The following FSIP1 variants were observed in gnomAD, a reference collection of about 807,000 sequenced individuals.
FSIP1 encodes fibrous sheath interacting protein 1.
FSIP1 carries 65 observed loss-of-function variants against 60.9 expected under a neutral mutation model. That is an observed-to-expected ratio of 1.07 (90% CI 0.87 to 1.31). FSIP1 has a LOEUF of 1.31. Among genes scored for constraint, FSIP1 ranks in the 40% most tolerant of loss-of-function variants. The pLI is 0.00. For missense variants in FSIP1, 675 were observed against 665.5 expected (o/e 1.01, Z -0.16); for synonymous variants, 209 against 221.2 (o/e 0.94, Z 0.49).
At chr15:39,659,439 G>A (rs995023703) in intron 10 of FSIP1, among the ~76,000 whole-genome samples, 3 of 151,842 alleles carry the variant, frequency 2.0e-5, no homozygotes, top group Non-Finnish European at 2.9e-5. Flanking sequence ...CTACTCAGGA[G>A]GCTGAGGCAG....
intron 10 of FSIP1, among the ~76,000 whole-genome samples, chr15:39,638,558 G>C (rs1433019350): frequency 6.6e-6 from 1 of 152,172 alleles, no homozygotes; most frequent in African/African-American, 2.4e-5. Flanking sequence ...CTTCTCTCTT[G>C]CTACAATCTT....
rs184746542 is a variant in FSIP1, at chr15:39,695,995, T to A, written c.1188+17449A>T. Among the ~76,000 whole-genome samples the A allele has an allele frequency of 3.5e-3, 532 of 152,340 alleles. 3 individuals are homozygous for A. Among genetic ancestry groups the A allele is most frequent in the African/African-American group, 0.012 (509 of 41,576 alleles). On this transcript the variant is annotated intron_variant, in intron 10 of 11. Coordinates refer to ENST00000350221, the MANE Select transcript of FSIP1 (RefSeq NM_152597.5). ...CGCAAGAACATAATTAGATGGTGAT[T>A]TCATTGACATTACTTACTCAAAACA... is the stretch of plus-strand genomic sequence containing the variant.
intron 10 of FSIP1, among the ~76,000 whole-genome samples, chr15:39,690,216 T>C (rs576340293): frequency 4.1e-4 from 63 of 152,306 alleles, no homozygotes; most frequent in South Asian, 2.5e-3. Context: ...CCAGGGAATC[T>C]GGATTCATCT....
chr15:39,675,201 C>G (rs1440044357), intron 10 of FSIP1, among the ~76,000 whole-genome samples: 1 of 152,020 alleles, frequency 6.6e-6, no homozygotes, highest in Admixed American at 6.5e-5. Context: ...TATGGATGAA[C>G]CAGATTTCTT....
At chr15:39,780,425 T>C (rs1381850395) in intron 1 of FSIP1, among the ~76,000 whole-genome samples, 1 of 152,040 alleles carries the variant, frequency 6.6e-6, no homozygotes, top group Admixed American at 6.5e-5. Context: ...CTCGGGAGGC[T>C]AAGGCAGGAG....
intron 10 of FSIP1, among the ~76,000 whole-genome samples, chr15:39,666,734 A>C (rs1047503118): frequency 3.9e-5 from 6 of 152,200 alleles, no homozygotes; most frequent in African/African-American, 1.4e-4. Flanking sequence ...TCCAATTTTT[A>C]GGATGCCTTT....
At chr15:39,729,036 A>C (rs987177957) in intron 8 of FSIP1, among the ~76,000 whole-genome samples, 1 of 152,230 alleles carries the variant, frequency 6.6e-6, no homozygotes, top group Non-Finnish European at 1.5e-5. Flanking sequence ...CCAAAACCAC[A>C]ATGAGATACC....
chr15:39,710,071 G>A (rs908980931), intron 10 of FSIP1, among the ~76,000 whole-genome samples: 4 of 152,140 alleles, frequency 2.6e-5, no homozygotes, highest in Admixed American at 6.5e-5. Context: ...GGTACAGTGC[G>A]TTTTCAGAGT....
intron 3 of FSIP1, among the ~76,000 whole-genome samples, 173 bp downstream of exon 3, chr15:39,770,254 G>A (rs564858596): frequency 2.0e-5 from 3 of 152,036 alleles, no homozygotes; most frequent in African/African-American, 7.2e-5. Context: ...TCTTAATATT[G>A]TTATAAATAA....
At chr15:39,632,208 G>A (rs962156713) in intron 10 of FSIP1, among the ~76,000 whole-genome samples, 11 of 151,976 alleles carry the variant, frequency 7.2e-5, no homozygotes, top group African/African-American at 2.4e-4. Flanking sequence ...GACAGGGTCC[G>A]ACTCTGTCAC....
In FSIP1 at chr15:39,651,669, C is replaced by T. The variant is rs558772971; in HGVS notation, c.1189-33424G>A. Among the ~76,000 whole-genome samples, 5 of 152,270 alleles carry T rather than the reference C, an allele frequency of 3.3e-5. No homozygotes were observed. The South Asian group carries it at 6.2e-4, about 19-fold the overall frequency. On this transcript the variant is annotated intron_variant, in intron 10 of 11. Transcript: ENST00000350221. ...TTATGGTTGTTGTTACTATGATTAT[C>T]GTTTGACTAGTGTTATTGTTATAAA...
At chr15:39,771,815 T>A (rs1897898124) in intron 2 of FSIP1, among the ~76,000 whole-genome samples, 1 of 152,172 alleles carries the variant, frequency 6.6e-6, no homozygotes, top group African/African-American at 2.4e-5. Flanking sequence ...TTCTGCCAAA[T>A]GCCAGAAAAA....
intron 10 of FSIP1, among the ~76,000 whole-genome samples, chr15:39,695,661 G>A (rs147305260): frequency 6.6e-6 from 1 of 152,276 alleles, no homozygotes; most frequent in East Asian, 1.9e-4. Context: ...TTAATACACT[G>A]TTAGGAGCCC....
chr15:39,606,319 G>A (rs1297927009), intron 11 of FSIP1, among the ~76,000 whole-genome samples: 1 of 152,178 alleles, frequency 6.6e-6, no homozygotes, highest in African/African-American at 2.4e-5. Context: ...CATGACTCTT[G>A]TTGCATTTAC....
rs369535883 is a variant in FSIP1, at chr15:39,622,809, T to C, written c.1189-4564A>G. 4.6e-5 allele frequency among the ~76,000 whole-genome samples: 7 copies of C among 151,978 alleles called. No homozygotes were observed. In the East Asian group the frequency reaches 7.8e-4, roughly 17 times the overall value. ...TACACTGCCACTCGCTGTAAATGAG[T>C]TCTCCCTCTACCACCCTCCAAGTGT... On this transcript the variant is annotated intron_variant, in intron 10 of 11. Coordinates refer to ENST00000350221, the MANE Select transcript of FSIP1 (RefSeq NM_152597.5).
At chr15:39,674,223 T>G (rs576816468) in intron 10 of FSIP1, among the ~76,000 whole-genome samples, 305 of 152,080 alleles carry the variant, frequency 2.0e-3, no homozygotes, top group African/African-American at 7.0e-3. Context: ...CCCAGCTAAT[T>G]TTTTGTAGTT....
intron 6 of FSIP1, among the ~76,000 whole-genome samples, chr15:39,740,585 T>TC (rs1289205254): frequency 6.6e-6 from 1 of 152,132 alleles, no homozygotes; most frequent in Non-Finnish European, 1.5e-5. Context: ...AGGATGCATT[T>TC]CCACAATCAA....
intron 10 of FSIP1, among the ~76,000 whole-genome samples, chr15:39,639,295 A>G (rs899409385): frequency 6.6e-6 from 1 of 151,658 alleles, no homozygotes; most frequent in Non-Finnish European, 1.5e-5. Flanking sequence ...CAGAAGCAGC[A>G]TTTTCCTTGT....
intron 9 of FSIP1, among the ~76,000 whole-genome samples, chr15:39,726,134 T>C (rs1437927380): frequency 1.3e-5 from 2 of 152,148 alleles, no homozygotes; most frequent in African/African-American, 4.8e-5. Flanking sequence ...AAGAAACACA[T>C]TCATTTCAAA....
Sources: allele counts gnomAD v4.1 joint callset (sites outside exome capture counted in the v4.1 genomes callset), GRCh38; gene constraint gnomAD v4.1.1; transcripts MANE v1.5; gene names NCBI Gene and HGNC (gene_info 2026-07-23, HGNC 2026-07-21).